JAKMIP1: variants seen among roughly 807,000 people sequenced by gnomAD.
JAKMIP1 encodes janus kinase and microtubule interacting protein 1, also known as janus kinase and microtubule-interacting protein 1.
A neutral mutation model predicts 113.0 loss-of-function variants in JAKMIP1; 33 were observed. That is an observed-to-expected ratio of 0.29 (90% CI 0.22 to 0.39). The LOEUF is 0.39. JAKMIP1 is among the 10% of genes least tolerant of loss of function. JAKMIP1 has a pLI of 1.00. For synonymous variants in JAKMIP1, 480 were observed against 459.9 expected, an observed-to-expected ratio of 1.04 and a Z score of -0.56; for missense variants, 813 against 1,080.5, an observed-to-expected ratio of 0.75 and a Z score of 3.47.
At chr4:6,125,817 A>C (rs1717404203) in intron 1 of JAKMIP1, among the ~76,000 whole-genome samples, 1 of 115,096 alleles carries the variant, frequency 8.7e-6, no homozygotes, top group African/African-American at 4.2e-5. Context: ...ACACACACAC[A>C]CCATACACAC....
chr4:6,186,558 CT>C lies in JAKMIP1; in HGVS notation c.-148+13694del, dbSNP rs914086261. Among the ~76,000 whole-genome samples the C allele has an allele frequency of 6.6e-6, 1 of 152,154 alleles. No homozygotes were observed. The highest frequency in any genetic ancestry group is 2.4e-5 in the African/African-American group (1 of 41,454). On this transcript the variant is annotated intron_variant, in intron 1 of 20. Transcript: ENST00000409021. This position sits in a 1 kb window ranked among gnomAD's most constrained non-coding sequence, Gnocchi z 5.5. ...CTTTTTTGTTTGCTTGTTTTCTCTC[CT>C]TTTAATTTTATTGAGGTTGTATTAG... is the stretch of plus-strand genomic sequence containing the variant.
Position 6,187,763 on chromosome 4 carries a change from T to G in JAKMIP1, c.-148+12490A>C, listed in dbSNP as rs1003206269. ...TTATAGCAGCCTGAAAGGACCAAGA[T>G]AGCATATACTTGGATCATATATTTT... is the stretch of plus-strand genomic sequence containing the variant. On this transcript the variant is annotated intron_variant, in intron 1 of 20. Coordinates refer to ENST00000409021, the MANE Select transcript of JAKMIP1 (RefSeq NM_001099433.2). This position sits in a 1 kb window ranked among gnomAD's most constrained non-coding sequence, Gnocchi z 4.2. Among the ~76,000 whole-genome samples the G allele has an allele frequency of 2.0e-5, 3 of 152,278 alleles. No individual in the cohort carries two copies. Among genetic ancestry groups the G allele is most frequent in the African/African-American group, 7.2e-5 (3 of 41,480 alleles).
intron 8 of JAKMIP1, among the ~76,000 whole-genome samples, chr4:6,068,644 G>A (rs1466720416): frequency 2.7e-5 from 4 of 146,102 alleles, no homozygotes; most frequent in African/African-American, 7.6e-5. Flanking sequence ...TACAACTTCC[G>A]TCTCCCAAGT....
intron 16 of JAKMIP1, among the ~76,000 whole-genome samples, chr4:6,045,050 C>T (rs978706505): frequency 6.6e-6 from 1 of 152,266 alleles, no homozygotes; most frequent in African/African-American, 2.4e-5. Flanking sequence ...CCTCCCAGGG[C>T]CCCTCAGGTG....
rs539003375 is a variant in JAKMIP1, at chr4:6,108,697, C to G, written c.130-2730G>C. ...TCTAAATCTCATGGGTACCAGTTCA[C>G]TACTCTGAAACCATCATACATGTAT... On this transcript the variant is annotated intron_variant, in intron 2 of 20. Coordinates refer to ENST00000409021, the MANE Select transcript of JAKMIP1 (RefSeq NM_001099433.2). The surrounding 1 kb of genome is among the most constrained non-coding windows in gnomAD (Gnocchi z 5.6). Among the ~76,000 whole-genome samples, 1 of 152,344 alleles carries G rather than the reference C, an allele frequency of 6.6e-6. No homozygotes were observed. Among genetic ancestry groups the G allele is most frequent in the African/African-American group, 2.4e-5 (1 of 41,580 alleles).
At chr4:6,101,705 G>A (rs1713054397) in intron 3 of JAKMIP1, among the ~76,000 whole-genome samples, 1 of 135,028 alleles carries the variant, frequency 7.4e-6, no homozygotes, top group South Asian at 2.3e-4. Flanking sequence ...TGGCCAACAT[G>A]GCAAAACCCC....
At position 6,188,940 on chromosome 4, in the gene JAKMIP1, A is replaced by G. The variant is rs1210209987; in HGVS notation, c.-148+11313T>C. ...CATCCAGGCCCTTTTTCAAAATAAGATATCTGGTTTGCAAAAAGAACCTCG... is the reference window on the plus strand; with the variant it reads ...CATCCAGGCCCTTTTTCAAAATAAGGTATCTGGTTTGCAAAAAGAACCTCG... On this transcript the variant is annotated intron_variant, in intron 1 of 20. Transcript: ENST00000409021. This position sits in a 1 kb window ranked among gnomAD's most constrained non-coding sequence, Gnocchi z 5.8. 6.6e-6 allele frequency among the ~76,000 whole-genome samples: 1 copy of G among 152,160 alleles called. No homozygotes were observed. The highest frequency in any genetic ancestry group is 1.5e-5 in the Non-Finnish European group (1 of 68,034).
At chr4:6,036,188 G>A in intron 18 of JAKMIP1, 81 bp from the exon 19 acceptor site, 1 of 1,151,430 alleles carries the variant, frequency 8.7e-7, no homozygotes, top group South Asian at 1.6e-5. Flanking sequence ...GCCAGTGGAG[G>A]CAGAGCCAGG....
rs1045815696 is a variant in JAKMIP1, at chr4:6,154,437, G to T, written c.-147-41440C>A. Reference sequence around the variant, plus strand: ...CCCATTTCACAACAAGCTAAAAACCGAACAGAAGCCTTTAGTTCCCTGAGT... The same window carrying T: ...CCCATTTCACAACAAGCTAAAAACCTAACAGAAGCCTTTAGTTCCCTGAGT... On this transcript the variant is annotated intron_variant, in intron 1 of 20. Coordinates refer to ENST00000409021, the MANE Select transcript of JAKMIP1 (RefSeq NM_001099433.2). This position sits in a 1 kb window ranked among gnomAD's most constrained non-coding sequence, Gnocchi z 4.2. 6.6e-6 allele frequency among the ~76,000 whole-genome samples: 1 copy of T among 151,094 alleles called. No individual in the cohort carries two copies. Among genetic ancestry groups the T allele is most frequent in the Non-Finnish European group, 1.5e-5 (1 of 67,900 alleles).
intron 1 of JAKMIP1, among the ~76,000 whole-genome samples, chr4:6,144,474 T>A (rs1720568952): frequency 6.6e-6 from 1 of 152,066 alleles, no homozygotes; most frequent in African/African-American, 2.4e-5. Context: ...GATGCAAAAA[T>A]TCACAACACA....
chr4:6,128,854 A>C (rs1718110254), intron 1 of JAKMIP1, among the ~76,000 whole-genome samples: 1 of 151,994 alleles, frequency 6.6e-6, no homozygotes, highest in Non-Finnish European at 1.5e-5. Flanking sequence ...CATCAGCCAC[A>C]CCTCACCCCT....
chr4:6,162,527 G>A lies in JAKMIP1; in HGVS notation c.-148+37726C>T, dbSNP rs1047958800. On this transcript the variant is annotated intron_variant, in intron 1 of 20. Transcript: ENST00000409021. The surrounding 1 kb of genome is among the most constrained non-coding windows in gnomAD (Gnocchi z 5.6). Reference sequence around the variant, plus strand: ...GGTTACACATGTTTCATTCCAAAAAGAGAATGCAGTATTAGTGTTCTGATT... The same window carrying A: ...GGTTACACATGTTTCATTCCAAAAAAAGAATGCAGTATTAGTGTTCTGATT... Among the ~76,000 whole-genome samples the A allele has an allele frequency of 6.6e-6, 1 of 152,180 alleles. No homozygotes were observed. Among genetic ancestry groups the A allele is most frequent in the Non-Finnish European group, 1.5e-5 (1 of 68,026 alleles).
At chr4:6,091,762 C>G (rs1289379081) in intron 3 of JAKMIP1, among the ~76,000 whole-genome samples, 2 of 152,234 alleles carry the variant, frequency 1.3e-5, no homozygotes, top group Non-Finnish European at 2.9e-5. Flanking sequence ...AAATTTTAAA[C>G]TGACACACAG....
intron 1 of JAKMIP1, among the ~76,000 whole-genome samples, chr4:6,128,581 C>T (rs541562600): frequency 2.6e-5 from 4 of 152,296 alleles, no homozygotes; most frequent in Admixed American, 6.5e-5. Context: ...ATGAACGGAT[C>T]CATTGTCTGC....
chr4:6,115,432 A>C (rs1394563484), intron 1 of JAKMIP1, among the ~76,000 whole-genome samples: 1 of 152,222 alleles, frequency 6.6e-6, no homozygotes, highest in Non-Finnish European at 1.5e-5. Flanking sequence ...AAAATAAAAA[A>C]CAAATACAAT....
intron 1 of JAKMIP1, among the ~76,000 whole-genome samples, chr4:6,132,650 A>AT (rs1413148651): frequency 7.7e-6 from 1 of 130,124 alleles, no homozygotes; most frequent in Non-Finnish European, 1.7e-5. Flanking sequence ...TCAAAAATAA[A>AT]AAAAAAAAAA....
rs544614131 is a variant in JAKMIP1 at position 6,042,718 on chromosome 4, A to C, written c.2029-491T>G. Among the ~76,000 whole-genome samples, 4 of 152,198 alleles carry C rather than the reference A, an allele frequency of 2.6e-5. No homozygotes were observed. The South Asian group carries it at 8.3e-4, about 32-fold the overall frequency. ...GGTGCAGAATGGAGATTTGGAACCC[A>C]GCCTGCAGGATGCCAAAGCCACTGC... is the stretch of plus-strand genomic sequence containing the variant. On this transcript the variant is annotated intron_variant, in intron 16 of 20. Coordinates refer to ENST00000409021, the MANE Select transcript of JAKMIP1 (RefSeq NM_001099433.2). The surrounding 1 kb of genome is among the most constrained non-coding windows in gnomAD (Gnocchi z 5.2).
At position 6,129,303 on chromosome 4, in the gene JAKMIP1, C is replaced by T. The variant is rs981530614; in HGVS notation, c.-147-16306G>A. Among the ~76,000 whole-genome samples, 3 of 152,168 alleles carry T rather than the reference C, an allele frequency of 2.0e-5. No individual in the cohort carries two copies. The highest frequency in any genetic ancestry group is 6.5e-5 in the Admixed American group (1 of 15,280). ...GGCACATGTGTGGTCAGATGCTGGG[C>T]GTGGCCCCACCCCATGCCAGCCAGG... On this transcript the variant is annotated intron_variant, in intron 1 of 20. Transcript: ENST00000409021. The surrounding 1 kb of genome is among the most constrained non-coding windows in gnomAD (Gnocchi z 5.4).
chr4:6,188,508 C>A lies in JAKMIP1; in HGVS notation c.-148+11745G>T, dbSNP rs1474571229. 6.6e-6 allele frequency among the ~76,000 whole-genome samples: 1 copy of A among 152,186 alleles called. No individual in the cohort carries two copies. Among genetic ancestry groups the A allele is most frequent in the East Asian group, 1.9e-4 (1 of 5,194 alleles). On this transcript the variant is annotated intron_variant, in intron 1 of 20. Coordinates refer to ENST00000409021, the MANE Select transcript of JAKMIP1 (RefSeq NM_001099433.2). The surrounding 1 kb of genome is among the most constrained non-coding windows in gnomAD (Gnocchi z 5.8). ...CCCTACCTAAGAGTGACTTAATACA[C>A]CCCAAACCTCCTTGCCACTTGACCT...
Sources: allele counts gnomAD v4.1 joint callset (sites outside exome capture counted in the v4.1 genomes callset), GRCh38; gene constraint gnomAD v4.1.1; non-coding constraint Gnocchi (gnomAD v3.1); transcripts MANE v1.5; gene names NCBI Gene and HGNC (gene_info 2026-07-23, HGNC 2026-07-21).